Variants in PDE4D observed in about 807,000 individuals in gnomAD.
The protein encoded by PDE4D is 3',5'-cyclic-AMP phosphodiesterase 4D.
Under a neutral mutation model 87.4 loss-of-function variants are expected in PDE4D, and 24 were observed. The observed-to-expected ratio is 0.27, with a 90% CI of 0.20 to 0.39. The LOEUF (loss-of-function observed/expected upper bound fraction) is 0.39. PDE4D is among the 10% of genes least tolerant of loss of function. The pLI is 1.00. For missense variants in PDE4D, 714 were observed against 1,041.0 expected, an observed-to-expected ratio of 0.69 and a Z score of 4.32; for synonymous variants, 384 against 383.2, an observed-to-expected ratio of 1.00 and a Z score of -0.02.
chr5:59,833,767 G>A lies in PDE4D; in HGVS notation c.455+59401C>T, dbSNP rs904749065. On this transcript the variant is annotated intron_variant, in intron 1 of 14. Transcript: ENST00000340635. ...GTCAGATCTGGTCTCCTGAAAAATCGCTTACAGGATTATAAAAACCACTAT... is the reference window on the plus strand; with the variant it reads ...GTCAGATCTGGTCTCCTGAAAAATCACTTACAGGATTATAAAAACCACTAT... Among the ~76,000 whole-genome samples the A allele has an allele frequency of 7.2e-5, 11 of 152,002 alleles. No individual in the cohort carries two copies. In the South Asian group the frequency reaches 8.3e-4, roughly 11 times the overall value.
chr5:59,567,933 T>C (rs1821216982), intron 1 of PDE4D, among the ~76,000 whole-genome samples: 1 of 152,206 alleles, frequency 6.6e-6, no homozygotes, highest in Non-Finnish European at 1.5e-5. Context: ...CAGGTTGGTA[T>C]ACACAAATAT....
At chr5:59,740,719 AGCACAGCACTTT>A (rs1758715834) in intron 1 of PDE4D, among the ~76,000 whole-genome samples, 3 of 152,318 alleles carry the variant, frequency 2.0e-5, no homozygotes, top group Admixed American at 2.0e-4. Context: ...AAGAGGGGCA[AGCACAGCACTTT>A]GCACTGAAGA....
chr5:59,442,921 C>T (rs1384943079), intron 1 of PDE4D, among the ~76,000 whole-genome samples: 1 of 152,204 alleles, frequency 6.6e-6, no homozygotes, highest in Non-Finnish European at 1.5e-5. Context: ...CGAAAAGCAA[C>T]TCTTTTTAAC....
chr5:60,137,129 A>C (rs1348080817), intron 2 of PDE4D, among the ~76,000 whole-genome samples: 2 of 152,220 alleles, frequency 1.3e-5, no homozygotes, highest in Non-Finnish European at 2.9e-5. Flanking sequence ...GTTCCCACAA[A>C]AGACAGGATC....
At chr5:60,474,105 CATATATATATATATATATATATATATAT>C (rs1158022321) in intron 1 of PDE4D, among the ~76,000 whole-genome samples, 1,194 of 31,032 alleles carry the variant, frequency 0.038, 87 homozygotes, top group African/African-American at 0.088. Context: ...TTTGAGCTGC[CATATATATATATATATATATATATATAT>C]ATATATATAT....
chr5:60,080,803 G>A (rs192168228), intron 2 of PDE4D, among the ~76,000 whole-genome samples: 78 of 152,224 alleles, frequency 5.1e-4, no homozygotes, highest in African/African-American at 1.7e-3. Context: ...GAGGATTTTC[G>A]CATGGATGTT....
chr5:60,519,518 A>G (rs1308526728), intron 1 of PDE4D, among the ~76,000 whole-genome samples: 1 of 152,246 alleles, frequency 6.6e-6, no homozygotes, highest in Non-Finnish European at 1.5e-5. Context: ...TCACCTTTCA[A>G]CAAGCATGAA....
At chr5:59,029,116 A>G (rs950246538) in intron 6 of PDE4D, among the ~76,000 whole-genome samples, 33 of 152,188 alleles carry the variant, frequency 2.2e-4, no homozygotes, top group African/African-American at 7.7e-4. Flanking sequence ...TAGCATCAAA[A>G]AAATACTTAG....
intron 3 of PDE4D, among the ~76,000 whole-genome samples, chr5:59,187,959 T>C (rs981618319): frequency 1.3e-5 from 2 of 152,176 alleles, no homozygotes; most frequent in African/African-American, 2.4e-5. Flanking sequence ...ATCACTGTTA[T>C]CACTGTGTTA....
chr5:60,234,275 C>T (rs1746162080), intron 1 of PDE4D, among the ~76,000 whole-genome samples: 1 of 151,714 alleles, frequency 6.6e-6, no homozygotes, highest in African/African-American at 2.4e-5. Context: ...TATATCAATA[C>T]TTTATTTCTT....
intron 1 of PDE4D, among the ~76,000 whole-genome samples, chr5:59,766,346 G>A (rs925874679): frequency 6.6e-6 from 1 of 152,086 alleles, no homozygotes; most frequent in Admixed American, 6.5e-5. Context: ...TTTTCTTACT[G>A]GGCTGTGACC....
At chr5:59,866,284 A>G (rs748942111) in intron 1 of PDE4D, among the ~76,000 whole-genome samples, 18 of 152,328 alleles carry the variant, frequency 1.2e-4, no homozygotes, top group Admixed American at 2.6e-4. Context: ...TTTCATTTCT[A>G]CAATATTTTC....
At chr5:59,885,895 CT>C (rs1750077050) in intron 1 of PDE4D, among the ~76,000 whole-genome samples, 2 of 152,234 alleles carry the variant, frequency 1.3e-5, no homozygotes, top group South Asian at 2.1e-4. Flanking sequence ...ATCACTAGAC[CT>C]TTTTGGCTCA....
At chr5:60,182,045 T>G (rs758249973) in intron 2 of PDE4D, among the ~76,000 whole-genome samples, 4 of 152,166 alleles carry the variant, frequency 2.6e-5, no homozygotes, top group Non-Finnish European at 5.9e-5. Flanking sequence ...TTCTGAAATA[T>G]ATAAACATCT....
chr5:60,041,177 T>G (rs1030372338), intron 2 of PDE4D, among the ~76,000 whole-genome samples: 4 of 152,204 alleles, frequency 2.6e-5, no homozygotes, highest in African/African-American at 7.2e-5. Context: ...GATATATAGA[T>G]AGTATATTCA....
At chr5:59,309,281 C>T (rs1772078978) in intron 1 of PDE4D, among the ~76,000 whole-genome samples, 1 of 152,256 alleles carries the variant, frequency 6.6e-6, no homozygotes, top group Middle Eastern at 3.4e-3. Context: ...GCTTCTCACC[C>T]CATTCAAATT....
At chr5:60,448,008 C>A (rs1262551779) in intron 1 of PDE4D, among the ~76,000 whole-genome samples, 2 of 152,068 alleles carry the variant, frequency 1.3e-5, no homozygotes, top group Non-Finnish European at 2.9e-5. Flanking sequence ...TATTATCATT[C>A]ATCTGTAATC....
chr5:59,247,550 T>C (rs1759100794), intron 1 of PDE4D, among the ~76,000 whole-genome samples: 1 of 152,174 alleles, frequency 6.6e-6, no homozygotes, highest in Non-Finnish European at 1.5e-5. Flanking sequence ...AATTGTTTAC[T>C]GGTGAACTTT....
At chr5:59,591,994 AT>A (rs916570880) in intron 1 of PDE4D, 12 of 203,654 alleles carry the variant, frequency 5.9e-5, no homozygotes, top group East Asian at 1.9e-4. Flanking sequence ...GTAATTATAC[AT>A]TTTTTTCTTT....
Sources: allele counts gnomAD v4.1 joint callset (sites outside exome capture counted in the v4.1 genomes callset), GRCh38; gene constraint gnomAD v4.1.1; transcripts MANE v1.5; gene names NCBI Gene and HGNC (gene_info 2026-07-23, HGNC 2026-07-21).